MAPK14: variants seen among roughly 807,000 people sequenced by gnomAD.
MAPK14 encodes CSAID-binding protein.
A neutral mutation model predicts 49.6 loss-of-function variants in MAPK14; 16 were observed. The observed-to-expected ratio is 0.32, with a 90% CI of 0.22 to 0.49. The LOEUF is 0.49. Among genes scored for constraint, MAPK14 ranks in the 20% least tolerant of loss-of-function variants. MAPK14 has a pLI of 0.99. For synonymous variants in MAPK14, 142 were observed against 158.0 expected (o/e 0.90, Z 0.76); for missense variants, 200 against 441.2 (o/e 0.45, Z 4.90).
chr6:36,065,232 A>G (rs970283669), intron 3 of MAPK14, among the ~76,000 whole-genome samples: 15 of 152,320 alleles, frequency 9.8e-5, no homozygotes, highest in Middle Eastern at 3.4e-3. Flanking sequence ...GTGTTCAAGC[A>G]CGGAGTTTGT....
chr6:36,059,214 AG>A, intron 2 of MAPK14, 74 bp from the exon 3 acceptor site: 1 of 930,496 alleles, frequency 1.1e-6, no homozygotes, highest in Non-Finnish European at 1.6e-6. Flanking sequence ...TTAAAAAAAA[AG>A]AAGATTAAGA....
At chr6:36,100,708 A>C (rs1462577484) in intron 9 of MAPK14, among the ~76,000 whole-genome samples, 1 of 152,242 alleles carries the variant, frequency 6.6e-6, no homozygotes, top group Non-Finnish European at 1.5e-5. Flanking sequence ...TACTATATTT[A>C]AAAGAAAATA....
chr6:36,039,802 T>G (rs1762892890), intron 1 of MAPK14, among the ~76,000 whole-genome samples: 1 of 151,902 alleles, frequency 6.6e-6, no homozygotes, highest in African/African-American at 2.4e-5. Flanking sequence ...GTCAGGAGTT[T>G]GAGATCAGCC....
chr6:36,101,496 T>G (rs1765635791), intron 9 of MAPK14, among the ~76,000 whole-genome samples: 1 of 151,710 alleles, frequency 6.6e-6, no homozygotes, highest in Non-Finnish European at 1.5e-5. Flanking sequence ...CAGATTTTTT[T>G]TTTTTTAAGA....
chr6:36,096,091 TGCCCTGTTG>T, intron 9 of MAPK14, 25 bp downstream of exon 9: 1 of 1,560,142 alleles, frequency 6.4e-7, no homozygotes, highest in Non-Finnish European at 8.8e-7. Flanking sequence ...TGTAATTATC[TGCCCTGTTG>T]GGAGCCTCTG....
intron 8 of MAPK14, chr6:36,092,239 G>T: frequency 5.3e-6 from 3 of 564,666 alleles, no homozygotes; most frequent in South Asian, 4.2e-5. Flanking sequence ...GGTACAGTTT[G>T]ACAAACCTGG....
At chr6:36,064,951 C>T (rs938605308) in intron 3 of MAPK14, among the ~76,000 whole-genome samples, 2 of 152,220 alleles carry the variant, frequency 1.3e-5, no homozygotes, top group Non-Finnish European at 2.9e-5. Flanking sequence ...ACCCCAGTCA[C>T]TCTGGCCTCT....
the MAPK14 span, among the ~76,000 whole-genome samples, chr6:36,120,778 A>G: frequency 6.6e-6 from 1 of 152,172 alleles, no homozygotes; most frequent in Non-Finnish European, 1.5e-5. Flanking sequence ...TCACTAGGGT[A>G]GGAGCTTCTC....
intron 8 of MAPK14, among the ~76,000 whole-genome samples, chr6:36,090,527 CTTTTTT>C (rs576947380): frequency 7.3e-6 from 1 of 136,322 alleles, no homozygotes; most frequent in African/African-American, 2.8e-5. Context: ...CCCTCTCTCT[CTTTTTT>C]TTTTTTTTTG....
At chr6:36,079,373 T>C (rs1383530756) in intron 8 of MAPK14, among the ~76,000 whole-genome samples, 3 of 152,202 alleles carry the variant, frequency 2.0e-5, no homozygotes. Flanking sequence ...TGTCACTTAT[T>C]TATGATATTT....
At position 36,108,949 on chromosome 6, in the gene MAPK14, C is replaced by A. The variant is rs1369202322; in HGVS notation, c.*502C>A. 1 of 160,814 alleles carries A rather than the reference C, an allele frequency of 6.2e-6. No individual in the cohort carries two copies. Among genetic ancestry groups the A allele is most frequent in the Non-Finnish European group, 1.4e-5 (1 of 72,884 alleles). 10.0% of individuals were successfully genotyped at this position (160,814 alleles called of 1,614,324 possible). ...TGACACCGTCCCTCAGTGATACGTA[C>A]AGCCAAAAAGGACCAACTGGCTTCT... is the stretch of plus-strand genomic sequence containing the variant. On this transcript the variant is annotated 3_prime_UTR_variant, in exon 12 of 12. Coordinates refer to ENST00000229794, the MANE Select transcript of MAPK14 (RefSeq NM_139012.3).
chr6:36,042,321 G>A (rs1762992050), intron 1 of MAPK14, among the ~76,000 whole-genome samples: 1 of 148,442 alleles, frequency 6.7e-6, no homozygotes, highest in African/African-American at 2.4e-5. Flanking sequence ...TGGTCTTGGT[G>A]GAGTGTAAAG....
intron 8 of MAPK14, among the ~76,000 whole-genome samples, chr6:36,086,980 G>A (rs946045087): frequency 6.6e-6 from 1 of 152,204 alleles, no homozygotes; most frequent in Non-Finnish European, 1.5e-5. Context: ...GGGATGCAAG[G>A]CTGTTTTAAC....
intron 4 of MAPK14, 86 bp from the exon 5 acceptor site, chr6:36,073,605 C>G: frequency 9.6e-7 from 1 of 1,046,614 alleles, no homozygotes; most frequent in Non-Finnish European, 1.5e-6. Context: ...GCAGTTCTTA[C>G]TGATTCATGA....
chr6:36,061,965 T>C (rs563720228), intron 3 of MAPK14, among the ~76,000 whole-genome samples: 5 of 152,300 alleles, frequency 3.3e-5, no homozygotes, highest in Non-Finnish European at 5.9e-5. Flanking sequence ...AGTTCGACTA[T>C]AGTTATTTCA....
At chr6:36,042,990 G>C (rs1763024908) in intron 1 of MAPK14, among the ~76,000 whole-genome samples, 1 of 151,942 alleles carries the variant, frequency 6.6e-6, no homozygotes, top group African/African-American at 2.4e-5. Context: ...CAGGCGTCGT[G>C]GTGTGCCTCA....
chr6:36,073,210 T>A, intron 4 of MAPK14: 1 of 527,448 alleles, frequency 1.9e-6, no homozygotes, highest in Admixed American at 3.2e-5. Flanking sequence ...CCTGGATTAT[T>A]TTAAAGCAAG....
Position 36,089,921 on chromosome 6 carries a change from G to A in MAPK14, c.683-6066G>A, listed in dbSNP as rs570348714. Among the ~76,000 whole-genome samples, 46 of 152,296 alleles carry A rather than the reference G, an allele frequency of 3.0e-4. No homozygotes were observed. The East Asian group carries it at 6.9e-3, about 23-fold the overall frequency. On this transcript the variant is annotated intron_variant, in intron 8 of 11. Transcript: ENST00000229794. ...ATAGCCCTGTTATGCATCAAATACC[G>A]TTTTTCTACCAGAGATCACAGCCTT...
intron 1 of MAPK14, among the ~76,000 whole-genome samples, chr6:36,040,494 G>T (rs1161434360): frequency 6.6e-6 from 1 of 152,144 alleles, no homozygotes; most frequent in East Asian, 1.9e-4. Flanking sequence ...CTCTAAACAT[G>T]ATTTTTGTTA....
Sources: allele counts gnomAD v4.1 joint callset (sites outside exome capture counted in the v4.1 genomes callset), GRCh38; gene constraint gnomAD v4.1.1; transcripts MANE v1.5; gene names NCBI Gene and HGNC (gene_info 2026-07-23, HGNC 2026-07-21).